The following MMP26 variants were observed in gnomAD, a reference collection of about 807,000 sequenced individuals.
MMP26 encodes the protein matrix metalloproteinase-26.
In MMP26, 33 loss-of-function variants were observed where a neutral mutation model predicts 31.0. The ratio of observed to expected loss-of-function variants is 1.06; its 90% CI spans 0.81 to 1.42. The LOEUF (loss-of-function observed/expected upper bound fraction) is 1.42. MMP26 is among the 40% of genes most tolerant of loss of function. The pLI, the probability that MMP26 is intolerant of heterozygous loss-of-function variation, is 0.00. For missense variants in MMP26, 347 were observed against 316.1 expected (o/e 1.10, Z -0.74); for synonymous variants, 122 against 114.9 (o/e 1.06, Z -0.40).
At chr11:4,966,873 A>G (rs1269858092) in intron 2 of MMP26, among the ~76,000 whole-genome samples, 2 of 151,916 alleles carry the variant, frequency 1.3e-5, no homozygotes, top group Admixed American at 6.6e-5. Context: ...GATAGTTGAA[A>G]CTCTCAGAGG....
chr11:4,970,783 C>T (rs991769413), intron 2 of MMP26, among the ~76,000 whole-genome samples: 2 of 152,164 alleles, frequency 1.3e-5, no homozygotes, highest in East Asian at 1.9e-4. Flanking sequence ...AAAGATTGTC[C>T]TCAGGTCATC....
At chr11:4,870,851 C>G (rs1249358930) in intron 2 of MMP26, among the ~76,000 whole-genome samples, 2 of 151,980 alleles carry the variant, frequency 1.3e-5, no homozygotes, top group Non-Finnish European at 2.9e-5. Context: ...GTATTGTAGC[C>G]TGAAGATATA....
intron 2 of MMP26, chr11:4,803,361 C>T (rs1381553362): frequency 2.5e-5 from 26 of 1,041,028 alleles, no homozygotes; most frequent in Non-Finnish European, 3.6e-5. Flanking sequence ...TAAGTAATAG[C>T]CTGTCAAATG....
At chr11:4,878,555 C>T (rs1296083268) in intron 2 of MMP26, among the ~76,000 whole-genome samples, 1 of 152,084 alleles carries the variant, frequency 6.6e-6, no homozygotes, top group East Asian at 1.9e-4. Context: ...GCTTTTCTGA[C>T]TTGTGCTTAA....
intron 1 of MMP26, among the ~76,000 whole-genome samples, chr11:4,757,777 C>T (rs1047243757): frequency 1.4e-5 from 2 of 147,874 alleles, no homozygotes; most frequent in African/African-American, 5.0e-5. Flanking sequence ...ACTAGAATGG[C>T]TATAAATAAG....
intron 1 of MMP26, among the ~76,000 whole-genome samples, chr11:4,709,223 C>T (rs1847825184): frequency 6.6e-6 from 1 of 152,018 alleles, no homozygotes; most frequent in South Asian, 2.1e-4. Flanking sequence ...TCCCATCTGC[C>T]CGTGTACATA....
At chr11:4,792,872 C>G (rs1849049365) in intron 2 of MMP26, among the ~76,000 whole-genome samples, 1 of 152,150 alleles carries the variant, frequency 6.6e-6, no homozygotes, top group Non-Finnish European at 1.5e-5. Context: ...TTACTGGATA[C>G]TTGCTATGGC....
At chr11:4,824,124 T>C (rs1297823577) in intron 2 of MMP26, among the ~76,000 whole-genome samples, 38 of 152,092 alleles carry the variant, frequency 2.5e-4, no homozygotes, top group Admixed American at 2.5e-3. Flanking sequence ...GGACACTTTG[T>C]GGGGGAGACC....
intron 2 of MMP26, among the ~76,000 whole-genome samples, chr11:4,776,345 T>C (rs1012875687): frequency 6.6e-6 from 1 of 152,174 alleles, no homozygotes; most frequent in Non-Finnish European, 1.5e-5. Context: ...AACAGTTCTA[T>C]GTTTAGTTCT....
At chr11:4,878,950 A>G (rs1400119359) in intron 2 of MMP26, among the ~76,000 whole-genome samples, 1 of 152,138 alleles carries the variant, frequency 6.6e-6, no homozygotes. Flanking sequence ...CAAGAAACAA[A>G]AAGGGCCGGG....
intron 1 of MMP26, among the ~76,000 whole-genome samples, chr11:4,766,116 C>CA (rs1848625398): frequency 6.6e-6 from 1 of 152,176 alleles, no homozygotes; most frequent in South Asian, 2.1e-4. Flanking sequence ...ATCCAGAGGG[C>CA]ATTTCATGGA....
At chr11:4,943,817 A>T in intron 2 of MMP26, 1 of 440,370 alleles carries the variant, frequency 2.3e-6, no homozygotes, top group Non-Finnish European at 4.5e-6. Flanking sequence ...ATTGAGATTT[A>T]TGTATCTTTA....
At position 4,810,776 on chromosome 11, in the gene MMP26, C is replaced by G. The variant is rs568214974; in HGVS notation, c.-145+43435C>G. On this transcript the variant is annotated intron_variant, in intron 2 of 7. Coordinates refer to ENST00000380390, the MANE Select transcript of MMP26 (RefSeq NM_021801.5). ...GAAGGCCCTCTTCACTCAATCTGAA[C>G]AGTGAAGGCCTACACAGAGCTTCCT... is the stretch of plus-strand genomic sequence containing the variant. Among the ~76,000 whole-genome samples the G allele has an allele frequency of 8.5e-5, 13 of 152,334 alleles. 1 individual carries two copies. In the South Asian group the frequency reaches 2.7e-3, roughly 32 times the overall value.
At chr11:4,907,095 T>TCAAAAAAAAAAAAAAAAA (rs1850904245) in intron 2 of MMP26, among the ~76,000 whole-genome samples, 1 of 55,108 alleles carries the variant, frequency 1.8e-5, no homozygotes, top group African/African-American at 6.6e-5. Flanking sequence ...AAACTCCCTC[T>TCAAAAAAAAAAAAAAAAA]AAAAAAAAAA....
At chr11:4,858,735 A>G (rs1373765684) in intron 2 of MMP26, among the ~76,000 whole-genome samples, 1 of 152,208 alleles carries the variant, frequency 6.6e-6, no homozygotes, top group African/African-American at 2.4e-5. Flanking sequence ...TAAAGTTCAT[A>G]TGGAACCAAA....
At chr11:4,740,922 A>G (rs10836566) in intron 1 of MMP26, among the ~76,000 whole-genome samples, 44,425 of 151,978 alleles carry the variant, frequency 0.29, 7,582 homozygotes, top group African/African-American at 0.46. Context: ...TCTTGCCAAG[A>G]TGTATTGAAA....
intron 2 of MMP26, chr11:4,947,244 G>A: frequency 2.1e-6 from 1 of 478,498 alleles, no homozygotes; most frequent in South Asian, 2.5e-5. Context: ...GCATTTATGT[G>A]GCTATCATCA....
At chr11:4,959,560 G>A (rs34872120) in intron 2 of MMP26, among the ~76,000 whole-genome samples, 2,289 of 152,140 alleles carry the variant, frequency 0.015, 62 homozygotes, top group African/African-American at 0.052. Context: ...TCTGTTGCAC[G>A]GGTCTATTTT....
chr11:4,896,881 T>C (rs1850710965), intron 2 of MMP26, among the ~76,000 whole-genome samples: 1 of 152,160 alleles, frequency 6.6e-6, no homozygotes, highest in African/African-American at 2.4e-5. Context: ...TTTGAAACTT[T>C]CCTACTACAT....
Sources: gnomAD v4.1 joint callset for allele counts (sites outside exome capture counted in the v4.1 genomes callset) on GRCh38, gnomAD v4.1.1 for gene constraint, MANE v1.5 for transcripts, NCBI Gene and HGNC (gene_info 2026-07-23, HGNC 2026-07-21) for gene names.